The following COL11A1 variants were observed in gnomAD, a reference collection of about 807,000 sequenced individuals.
COL11A1 encodes the protein collagen type XI alpha 1 chain, also known as collagen alpha-1(XI) chain.
Under a neutral mutation model 265.2 loss-of-function variants are expected in COL11A1, and 74 were observed. The observed-to-expected ratio is 0.28, with a 90% CI of 0.23 to 0.34. COL11A1 has a LOEUF of 0.34. Among genes scored for constraint, COL11A1 ranks in the 10% least tolerant of loss-of-function variants. The probability of loss-of-function intolerance (pLI) is 1.00; values close to 1 mark genes in which losing one functional copy is unlikely to be tolerated. For missense variants in COL11A1, 2,165 were observed against 2,263.6 expected, an observed-to-expected ratio of 0.96 and a Z score of 0.88; for synonymous variants, 816 against 727.6, an observed-to-expected ratio of 1.12 and a Z score of -1.96.
intron 24 of COL11A1, chr1:103,001,242 C>T (rs1355804106): frequency 2.5e-6 from 1 of 396,910 alleles, no homozygotes; most frequent in African/African-American, 2.1e-5. Context: ...ACACTTAAAA[C>T]AAGGGAATAT....
intron 46 of COL11A1, among the ~76,000 whole-genome samples, chr1:102,929,501 A>G (rs1657105718): frequency 6.6e-6 from 1 of 151,962 alleles, no homozygotes; most frequent in African/African-American, 2.4e-5. Context: ...GTAGCCTTGT[A>G]GTATAGTTTG....
intron 54 of COL11A1, among the ~76,000 whole-genome samples, chr1:102,900,813 A>C (rs1406427740): frequency 6.6e-6 from 1 of 152,210 alleles, no homozygotes; most frequent in African/African-American, 2.4e-5. Flanking sequence ...AATATCTGTC[A>C]TAGTAAAAAT....
chr1:102,877,645 A>G lies in COL11A1; in HGVS notation c.*374T>C, dbSNP rs978857423. On this transcript the variant is annotated 3_prime_UTR_variant, in exon 67 of 67. Coordinates refer to ENST00000370096, the MANE Select transcript of COL11A1 (RefSeq NM_001854.4). Reference sequence around the variant, plus strand: ...TAGAACTGTACACAAAATAATTACAATTTATTAAACACACTGTTTTAGTAC... The same window carrying G: ...TAGAACTGTACACAAAATAATTACAGTTTATTAAACACACTGTTTTAGTAC... 2 of 197,684 alleles carry G rather than the reference A, an allele frequency of 1.0e-5. No homozygotes were observed. Among genetic ancestry groups the G allele is most frequent in the African/African-American group, 4.7e-5 (2 of 42,216 alleles). 12.2% of individuals were successfully genotyped at this position (197,684 alleles called of 1,614,324 possible). A position where few individuals can be genotyped will look rare whatever the true frequency, so the allele number is the denominator to read the frequency against.
chr1:102,883,988 A>G (rs1237663579), intron 63 of COL11A1, among the ~76,000 whole-genome samples: 1 of 152,208 alleles, frequency 6.6e-6, no homozygotes. Flanking sequence ...AGCATGGAAA[A>G]TAGTGGGAGT....
chr1:102,961,976 G>A (rs1660954101), intron 40 of COL11A1, 57 bp from the exon 41 acceptor site: 4 of 1,481,030 alleles, frequency 2.7e-6, no homozygotes, highest in Admixed American at 1.8e-5. Flanking sequence ...ATACCAATAG[G>A]AGGAGATATC....
chr1:102,891,453 C>T (rs192769573), intron 57 of COL11A1, among the ~76,000 whole-genome samples: 5 of 152,014 alleles, frequency 3.3e-5, no homozygotes, highest in African/African-American at 4.8e-5. Context: ...CAGACTAAGA[C>T]ATTTATCCTT....
chr1:103,084,539 AG>A (rs1223029368), intron 1 of COL11A1, among the ~76,000 whole-genome samples: 1 of 151,780 alleles, frequency 6.6e-6, no homozygotes, highest in Non-Finnish European at 1.5e-5. Context: ...GTCCTGATAC[AG>A]GCTATAACAC....
intron 4 of COL11A1, among the ~76,000 whole-genome samples, chr1:103,049,111 A>G (rs185141948): frequency 6.6e-6 from 1 of 152,206 alleles, no homozygotes. Flanking sequence ...GATGTCTATT[A>G]GGTCCACTTG....
intron 4 of COL11A1, among the ~76,000 whole-genome samples, chr1:103,073,887 T>C (rs1485367660): frequency 6.6e-6 from 1 of 152,002 alleles, no homozygotes; most frequent in Non-Finnish European, 1.5e-5. Flanking sequence ...ATTTGTAATA[T>C]ATTACACAGC....
At chr1:103,084,440 T>C (rs1480225130) in intron 1 of COL11A1, among the ~76,000 whole-genome samples, 1 of 152,118 alleles carries the variant, frequency 6.6e-6, no homozygotes, top group Non-Finnish European at 1.5e-5. Flanking sequence ...GCAGCATTAT[T>C]CACAATAGCC....
chr1:103,022,569 GAA>G (rs774285646), intron 8 of COL11A1, among the ~76,000 whole-genome samples, 171 bp downstream of exon 8: 3 of 152,158 alleles, frequency 2.0e-5, no homozygotes, highest in Non-Finnish European at 4.4e-5. Context: ...TACAACTGCT[GAA>G]GATTCCCATG....
intron 1 of COL11A1, among the ~76,000 whole-genome samples, chr1:103,097,725 T>A (rs1190071490): frequency 1.3e-5 from 2 of 151,984 alleles, no homozygotes; most frequent in African/African-American, 4.8e-5. Context: ...AGTTTAGAAT[T>A]CAGGAAGAGC....
rs771466673 is a variant in COL11A1 at position 102,946,966 on chromosome 1, A to G, written c.3169-10T>C. 6.2e-7 allele frequency: 1 copy of G among 1,602,508 alleles called. No homozygotes were observed. The highest frequency in any genetic ancestry group is 8.5e-7 in the Non-Finnish European group (1 of 1,172,172). ...GTTCTCCTGGTGAGCCCTAGTATAC[A>G]GGAAAAGAAGTATTTTGTTATTAAA... On this transcript the variant is annotated splice_polypyrimidine_tract_variant and intron_variant, in intron 41 of 66. Coordinates refer to ENST00000370096, the MANE Select transcript of COL11A1 (RefSeq NM_001854.4).
intron 4 of COL11A1, among the ~76,000 whole-genome samples, chr1:103,071,734 A>G (rs1394487565): frequency 1.4e-5 from 2 of 146,870 alleles, no homozygotes; most frequent in Non-Finnish European, 1.5e-5. Context: ...GGTCACTGTT[A>G]GTTGCCCATA....
intron 35 of COL11A1, among the ~76,000 whole-genome samples, chr1:102,977,595 T>C (rs1662623938): frequency 1.3e-5 from 2 of 152,106 alleles, no homozygotes; most frequent in Non-Finnish European, 2.9e-5. Context: ...AAAACAAAAC[T>C]CACAGTTGTG....
At chr1:103,079,653 T>C in intron 2 of COL11A1, among the ~76,000 whole-genome samples, 1 of 152,010 alleles carries the variant, frequency 6.6e-6, no homozygotes, top group South Asian at 2.1e-4. Flanking sequence ...CGGGTTTTAT[T>C]TTTCAAAATA....
chr1:102,888,878 A>G lies in COL11A1; in HGVS notation c.4506T>C (p.Pro1502=). The G allele has an allele frequency of 1.9e-6, 3 of 1,612,856 alleles. No homozygotes were observed. The South Asian group carries it at 3.3e-5, about 18-fold the overall frequency. ...GTCTTGTACTTACTGGTAAACCTGG[A>G]GGACCAGGTGGACCTAAGGGACCAG... The part of the protein sequence containing the change: ...GPAGPLGPPG[P]PGLPGPQGPK... Residue 1502 remains proline, a synonymous_variant, in exon 60 of 67, where the codon CCT becomes CCC. Transcript: ENST00000370096.
At chr1:102,904,776 G>A (rs1289857721) in intron 54 of COL11A1, among the ~76,000 whole-genome samples, 1 of 152,020 alleles carries the variant, frequency 6.6e-6, no homozygotes, top group Non-Finnish European at 1.5e-5. Context: ...CACTGTTGGT[G>A]GGACTGTAAA....
At chr1:103,045,718 C>G (rs1669197842) in intron 4 of COL11A1, among the ~76,000 whole-genome samples, 1 of 151,974 alleles carries the variant, frequency 6.6e-6, no homozygotes, top group Non-Finnish European at 1.5e-5. Flanking sequence ...GCTGCACCCA[C>G]TAACTCCTCA....
Sources: gnomAD v4.1 joint callset for allele counts (sites outside exome capture counted in the v4.1 genomes callset) on GRCh38, gnomAD v4.1.1 for gene constraint, MANE v1.5 for transcripts, NCBI Gene and HGNC (gene_info 2026-07-23, HGNC 2026-07-21) for gene names.